Variants in CCNY observed in about 807,000 individuals in gnomAD.
CCNY encodes the protein cyclin-Y.
Under a neutral mutation model 42.8 loss-of-function variants are expected in CCNY, and 19 were observed. The ratio of observed to expected loss-of-function variants is 0.44; its 90% CI spans 0.31 to 0.65. The LOEUF is 0.65. Ranked by LOEUF, CCNY falls within the 30% of genes least tolerant of loss-of-function variation. The pLI is 0.07. For synonymous variants in CCNY, 165 were observed against 162.7 expected (o/e 1.01, Z -0.11); for missense variants, 370 against 437.3 (o/e 0.85, Z 1.37).
At chr10:35,425,286 C>T (rs930488706) in intron 1 of CCNY, among the ~76,000 whole-genome samples, 1 of 152,140 alleles carries the variant, frequency 6.6e-6, no homozygotes, top group Admixed American at 6.5e-5. Flanking sequence ...TTGGATAGGC[C>T]TGAAGATTAT....
At chr10:35,307,784 GTGTGTGTGTGTGTGTGTATA>G (rs1374037205) in intron 3 of CCNY, among the ~76,000 whole-genome samples, 4 of 80,808 alleles carry the variant, frequency 4.9e-5, no homozygotes, top group African/African-American at 1.2e-4. Context: ...GTGTGTGTGT[GTGTGTGTGTGTGTGTGTATA>G]TATATATATA....
rs775450185 is a variant in CCNY, at chr10:35,253,414, A to AATTTTTT, written c.-9+2788_-9+2789insATTTTTT. 4.5e-5 allele frequency among the ~76,000 whole-genome samples: 4 copies of AATTTTTT among 89,036 alleles called. 1 individual carries two copies. Among genetic ancestry groups the AATTTTTT allele is most frequent in the African/African-American group, 4.7e-5 (1 of 21,142 alleles). 58.4% of individuals were successfully genotyped at this position (89,036 alleles called of 152,430 possible). A position where few individuals can be genotyped will look rare whatever the true frequency, so the allele number is the denominator to read the frequency against. On this transcript the variant is annotated intron_variant, in intron 3 of 11. Transcript: ENST00000374706. ...ACAGGCATGCACCAGCATGCTCACT[A>AATTTTTT]TTTTTTTTTTTTTTTTTTTTTTTTT...
rs1018371795 is a variant in CCNY, at chr10:35,570,885, T to C, written c.*1715T>C. The C allele has an allele frequency of 2.6e-5, 4 of 152,358 alleles. No homozygotes were observed. The highest frequency in any genetic ancestry group is 9.6e-5 in the African/African-American group (4 of 41,458). 9.4% of individuals were successfully genotyped at this position (152,358 alleles called of 1,614,324 possible). A position where few individuals can be genotyped will look rare whatever the true frequency, so the allele number is the denominator to read the frequency against. On this transcript the variant is annotated 3_prime_UTR_variant, in exon 10 of 10. Transcript: ENST00000374704. ...ATACCTGTTTGGGCCAGAATTATTA[T>C]CACAGCCTTTCTGACCCAAACTTTC... is the stretch of plus-strand genomic sequence containing the variant.
Position 35,255,089 on chromosome 10 carries a change from T to C in CCNY, c.-9+4463T>C, listed in dbSNP as rs78085317. 6.1e-5 allele frequency among the ~76,000 whole-genome samples: 9 copies of C among 147,872 alleles called. No homozygotes were observed. The East Asian group carries it at 1.6e-3, about 26-fold the overall frequency. On this transcript the variant is annotated intron_variant, in intron 3 of 11. Transcript: ENST00000374706. ...TGCTGGGTAGACTGTTCTATGTATA[T>C]AACTGTTCTATGTATATAACTGTAT...
intron 3 of CCNY, among the ~76,000 whole-genome samples, chr10:35,261,336 C>T (rs1304207536): frequency 2.0e-5 from 3 of 150,540 alleles, no homozygotes; most frequent in Non-Finnish European, 4.4e-5. Flanking sequence ...CTTCTGGGTT[C>T]AAGCGATTTT....
chr10:35,256,757 A>C (rs112456701), intron 3 of CCNY, among the ~76,000 whole-genome samples: 4 of 150,624 alleles, frequency 2.7e-5, no homozygotes, highest in African/African-American at 4.9e-5. Context: ...AAAAAAAAAA[A>C]AAAAATTCCA....
chr10:35,288,817 T>G (rs916959674), intron 3 of CCNY, among the ~76,000 whole-genome samples: 1 of 152,234 alleles, frequency 6.6e-6, no homozygotes, highest in Non-Finnish European at 1.5e-5. Flanking sequence ...TATGAATACA[T>G]TTTTGAGTTT....
upstream of CCNY, chr10:35,335,901 C>G (rs752606432): frequency 6.9e-4 from 40 of 57,592 alleles, no homozygotes; most frequent in Non-Finnish European, 1.3e-3. Context: ...ACTTTGGAGA[C>G]ACACACACAC....
Position 35,462,758 on chromosome 10 carries a change from T to A in CCNY, c.155-20646T>A, listed in dbSNP as rs113197324. Among the ~76,000 whole-genome samples, 510 of 152,332 alleles carry A rather than the reference T, an allele frequency of 3.3e-3. 4 individuals carry two copies. The highest frequency in any genetic ancestry group is 0.012 in the African/African-American group (480 of 41,586). On this transcript the variant is annotated intron_variant, in intron 1 of 9. Transcript: ENST00000374704. The stretch of plus-strand genomic sequence containing the variant: ...AGGTCAGAAACACTAGCCGTCCCTC[T>A]ACCCACAGCCTGCACAAGTTGTGTC...
chr10:35,343,380 G>GCC (rs1836227384), intron 1 of CCNY, among the ~76,000 whole-genome samples: 2 of 111,586 alleles, frequency 1.8e-5, no homozygotes, highest in Non-Finnish European at 3.6e-5. Context: ...AAAGCTGATG[G>GCC]TCTTTTTTTT....
chr10:35,516,688 T>TAA (rs1554797217), intron 4 of CCNY, 65 bp downstream of exon 4: 84 of 829,386 alleles, frequency 1.0e-4, no homozygotes, highest in Non-Finnish European at 1.4e-4. Flanking sequence ...TTTTTTTTTT[T>TAA]ACTTAACTGA....
chr10:35,280,628 G>A (rs1835290093), intron 3 of CCNY, among the ~76,000 whole-genome samples: 1 of 152,160 alleles, frequency 6.6e-6, no homozygotes, highest in Non-Finnish European at 1.5e-5. Context: ...AATATTAAAT[G>A]TAGGAGCCCA....
chr10:35,404,630 A>G (rs1354569397), intron 1 of CCNY, among the ~76,000 whole-genome samples: 1 of 152,150 alleles, frequency 6.6e-6, no homozygotes, highest in Non-Finnish European at 1.5e-5. Context: ...AGTTACCCAA[A>G]GCTTGGCATC....
At chr10:35,353,478 A>C (rs1010062303) in intron 1 of CCNY, among the ~76,000 whole-genome samples, 1 of 152,190 alleles carries the variant, frequency 6.6e-6, no homozygotes. Flanking sequence ...ATTTTTGTTG[A>C]GTATGAGAAG....
chr10:35,505,185 T>C (rs537167601), intron 3 of CCNY, among the ~76,000 whole-genome samples: 1 of 151,882 alleles, frequency 6.6e-6, no homozygotes, highest in Non-Finnish European at 1.5e-5. Context: ...TCAGAATGTA[T>C]GCTTTTTACC....
chr10:35,368,078 A>G (rs892942734), intron 1 of CCNY, among the ~76,000 whole-genome samples: 1 of 152,260 alleles, frequency 6.6e-6, no homozygotes, highest in Non-Finnish European at 1.5e-5. Flanking sequence ...GCAATTGATT[A>G]CAATTGAGGC....
At chr10:35,503,459 A>G (rs994342668) in intron 3 of CCNY, among the ~76,000 whole-genome samples, 2 of 152,200 alleles carry the variant, frequency 1.3e-5, no homozygotes, top group East Asian at 1.9e-4. Context: ...CACGCTAGGA[A>G]AAGCCGTGGG....
At chr10:35,531,346 C>A (rs1263778382) in intron 7 of CCNY, among the ~76,000 whole-genome samples, 1 of 152,210 alleles carries the variant, frequency 6.6e-6, no homozygotes, top group Non-Finnish European at 1.5e-5. Context: ...GCTGTGTGCT[C>A]CGAGGCTAAC....
Position 35,475,809 on chromosome 10 carries a change from G to A in CCNY, c.155-7595G>A, listed in dbSNP as rs922364959. Among the ~76,000 whole-genome samples the A allele has an allele frequency of 3.3e-3, 494 of 150,908 alleles. 4 individuals are homozygous for A. The highest frequency in any genetic ancestry group is 0.011 in the African/African-American group (468 of 40,720). ...AACACTATTAACTTTAAATGTAAAT[G>A]GACTAAATGCTCCAATTAAAAGACA... On this transcript the variant is annotated intron_variant, in intron 1 of 9. Coordinates refer to ENST00000374704, the MANE Select transcript of CCNY (RefSeq NM_145012.6).
Sources: allele counts gnomAD v4.1 joint callset (sites outside exome capture counted in the v4.1 genomes callset), GRCh38; gene constraint gnomAD v4.1.1; transcripts MANE v1.5; gene names NCBI Gene and HGNC (gene_info 2026-07-23, HGNC 2026-07-21).